Variants in OTUD4 observed in about 807,000 individuals in gnomAD.
The protein encoded by OTUD4 is OTU deubiquitinase 4.
OTUD4 carries 24 observed loss-of-function variants against 130.4 expected under a neutral mutation model. The ratio of observed to expected loss-of-function variants is 0.18; its 90% confidence interval spans 0.13 to 0.26. OTUD4 has a LOEUF of 0.26. Among genes scored for constraint, OTUD4 ranks in the 10% least tolerant of loss-of-function variants. The pLI is 1.00. For synonymous variants in OTUD4, 420 were observed against 472.5 expected (o/e 0.89, Z 1.44); for missense variants, 1,031 against 1,329.4 (o/e 0.78, Z 3.49).
chr4:145,156,406 G>A (rs1018871870), intron 7 of OTUD4, among the ~76,000 whole-genome samples: 2 of 152,128 alleles, frequency 1.3e-5, no homozygotes, highest in Non-Finnish European at 2.9e-5. Context: ...TACATCAGCC[G>A]GCCATGGTGG....
chr4:145,165,789 T>C (rs1480394520), intron 3 of OTUD4, among the ~76,000 whole-genome samples: 8 of 152,060 alleles, frequency 5.3e-5, no homozygotes, highest in Admixed American at 5.2e-4. Context: ...GTTGAGAACG[T>C]ATTGAAGGCA....
At chr4:145,145,892 C>CA (rs1234474377) in intron 14 of OTUD4, among the ~76,000 whole-genome samples, 1 of 152,172 alleles carries the variant, frequency 6.6e-6, no homozygotes. Flanking sequence ...CCCTGAAAGA[C>CA]AGCTCTCAAA....
intron 6 of OTUD4, among the ~76,000 whole-genome samples, chr4:145,161,982 C>T: frequency 6.6e-6 from 1 of 152,108 alleles, no homozygotes; most frequent in East Asian, 1.9e-4. Context: ...TTTTGCTTTG[C>T]TTCACTTTGA....
At chr4:145,162,580 C>CA in intron 6 of OTUD4, 60 bp downstream of exon 6, 1 of 903,008 alleles carries the variant, frequency 1.1e-6, no homozygotes. Flanking sequence ...AAACAAAAAA[C>CA]AAAAAGACTG....
intron 6 of OTUD4, among the ~76,000 whole-genome samples, chr4:145,162,171 A>G (rs555651877): frequency 3.3e-5 from 5 of 152,208 alleles, no homozygotes; most frequent in South Asian, 2.1e-4. Flanking sequence ...TTTTTATTAT[A>G]ATATTAATAC....
At chr4:145,179,725 G>C (rs1282934416) in intron 1 of OTUD4, 90 bp downstream of exon 1, 3 of 1,430,730 alleles carry the variant, frequency 2.1e-6, no homozygotes, top group Non-Finnish European at 2.7e-6. Flanking sequence ...GGCCGTGGGC[G>C]GCCCGGACAG....
chr4:145,147,375 T>C (rs564456005), intron 13 of OTUD4, among the ~76,000 whole-genome samples: 4 of 152,254 alleles, frequency 2.6e-5, no homozygotes, highest in South Asian at 2.1e-4. Context: ...AAGGGAGGGA[T>C]AGAAAATCTG....
chr4:145,170,445 T>G (rs1037517202), intron 3 of OTUD4, among the ~76,000 whole-genome samples: 1 of 152,218 alleles, frequency 6.6e-6, no homozygotes, highest in Non-Finnish European at 1.5e-5. Context: ...CATTTCCTAT[T>G]TAGAATCCAT....
chr4:145,163,835 T>C (rs1451331276), intron 5 of OTUD4, among the ~76,000 whole-genome samples: 1 of 151,870 alleles, frequency 6.6e-6, no homozygotes, highest in African/African-American at 2.4e-5. Context: ...GCCTCCCTAG[T>C]AGCTGGGATT....
chr4:145,149,838 A>C (rs1750985754), intron 13 of OTUD4, among the ~76,000 whole-genome samples: 1 of 152,222 alleles, frequency 6.6e-6, no homozygotes, highest in African/African-American at 2.4e-5. Flanking sequence ...ACTCCACAGG[A>C]AACACGGTCA....
At chr4:145,171,040 GA>G in intron 3 of OTUD4, 1 of 152,282 alleles carries the variant, frequency 6.6e-6, no homozygotes, top group Non-Finnish European at 1.5e-5. Flanking sequence ...TGCCTAGGAA[GA>G]AAAACTCTGC....
At chr4:145,174,626 C>G (rs779000478) in intron 2 of OTUD4, 35 bp downstream of exon 2, 2 of 1,216,714 alleles carry the variant, frequency 1.6e-6, no homozygotes, top group Non-Finnish European at 2.4e-6. Flanking sequence ...AAAACCAAGT[C>G]AAGACACCAT....
At chr4:145,170,830 C>T (rs564093934) in intron 3 of OTUD4, 1 of 152,308 alleles carries the variant, frequency 6.6e-6, no homozygotes, top group African/African-American at 2.4e-5. Context: ...TTCCAAGATA[C>T]TTGGATTTTT....
intron 8 of OTUD4, 84 bp downstream of exon 8, chr4:145,155,852 G>GA: frequency 1.6e-6 from 2 of 1,221,838 alleles, no homozygotes; most frequent in Non-Finnish European, 2.3e-6. Context: ...AAATGTACCA[G>GA]AAAAAAGAAA....
Position 145,149,429 on chromosome 4 carries a change from T to C in OTUD4, c.1259+1084A>G, listed in dbSNP as rs1357849279. 2.0e-5 allele frequency: 3 copies of C among 152,346 alleles called. No homozygotes were observed. In the South Asian group the frequency reaches 6.2e-4, roughly 32 times the overall value. 9.4% of individuals were successfully genotyped at this position (152,346 alleles called of 1,614,324 possible). On this transcript the variant is annotated intron_variant, in intron 13 of 20. Coordinates refer to ENST00000447906, the MANE Select transcript of OTUD4 (RefSeq NM_001366057.1). ...AGCTGACCAGTTTATGGTATTTTGT[T>C]ACAACAGCCCCAAGAAACTAAAATA...
Position 145,143,989 on chromosome 4 carries a change from C to A in OTUD4, c.1559G>T (p.Gly520Val), listed in dbSNP as rs776354003. Residue 520 changes from glycine (G) to valine (V), a missense_variant, in exon 16 of 21, where the codon GGA (glycine) becomes GTA (valine). This residue lies in a region of OTUD4 where 900 missense variants were observed against 1,095.9 expected (regional missense o/e 0.82). Coordinates refer to ENST00000447906, the MANE Select transcript of OTUD4 (RefSeq NM_001366057.1). Reference sequence around the variant, plus strand: ...GGGTCTTTTATCCAACTGACTATGTCCATGAATAGAGTCTATAGCAGATCA... The same window carrying A: ...GGGTCTTTTATCCAACTGACTATGTACATGAATAGAGTCTATAGCAGATCA... ...EERKDKDSIH[G>V]HSQLDKRPEP... 2.5e-6 allele frequency: 4 copies of A among 1,612,274 alleles called. No individual in the cohort carries two copies. In the Admixed American group the frequency reaches 6.7e-5, roughly 27 times the overall value.
rs1159411153 is a variant in OTUD4 at position 145,164,008 on chromosome 4, A to T, written c.414+146T>A. On this transcript the variant is annotated intron_variant, in intron 5 of 20. Transcript: ENST00000447906. ...CAGGCATGAGCCACCGCACCCGGCT[A>T]TAGGAACTTTTAAGAAATCAGAATA... 4 of 511,620 alleles carry T rather than the reference A, an allele frequency of 7.8e-6. No individual in the cohort carries two copies. The East Asian group carries it at 1.6e-4, about 20-fold the overall frequency. The allele number at this position is 511,620 out of a possible 1,614,324, so 31.7% of individuals were successfully genotyped here. A position where few individuals can be genotyped will look rare whatever the true frequency, so the allele number is the denominator to read the frequency against.
At chr4:145,176,446 G>A (rs1362246676) in intron 1 of OTUD4, among the ~76,000 whole-genome samples, 2 of 151,522 alleles carry the variant, frequency 1.3e-5, no homozygotes, top group Non-Finnish European at 2.9e-5. Flanking sequence ...AGCACTTTGG[G>A]AGGCCGAGGA....
chr4:145,169,252 T>C (rs903576445), intron 3 of OTUD4, among the ~76,000 whole-genome samples: 1 of 152,198 alleles, frequency 6.6e-6, no homozygotes, highest in East Asian at 1.9e-4. Context: ...TCTCATCAAA[T>C]TGTATATTTA....
Sources: gnomAD v4.1 joint callset for allele counts (sites outside exome capture counted in the v4.1 genomes callset) on GRCh38, gnomAD v4.1.1 for gene constraint, gnomAD v4.1.1 regional missense constraint, MANE v1.5 for transcripts, NCBI Gene and HGNC (gene_info 2026-07-23, HGNC 2026-07-21) for gene names.